NAV3: variants seen among roughly 807,000 people sequenced by gnomAD.
NAV3 encodes the protein pore membrane and/or filament interacting like protein 1.
A neutral mutation model predicts 244.7 loss-of-function variants in NAV3; 87 were observed. The ratio of observed to expected loss-of-function variants is 0.36; its 90% confidence interval spans 0.30 to 0.42. NAV3 has a LOEUF of 0.42. NAV3 is among the 20% of genes least tolerant of loss of function. The pLI is 1.00. For synonymous variants in NAV3, 1,126 were observed against 1,042.2 expected (o/e 1.08, Z -1.55); for missense variants, 2,663 against 2,893.3 (o/e 0.92, Z 1.83).
chr12:77,651,329 T>A (rs138797647), intron 2 of NAV3, among the ~76,000 whole-genome samples: 139 of 152,284 alleles, frequency 9.1e-4, no homozygotes, highest in African/African-American at 3.1e-3. Flanking sequence ...GAGCCCTTAA[T>A]CCTTTCAGAC....
intron 2 of NAV3, among the ~76,000 whole-genome samples, chr12:77,743,521 C>T (rs1179451361): frequency 1.3e-5 from 2 of 151,864 alleles, no homozygotes; most frequent in African/African-American, 4.8e-5. Flanking sequence ...ATACATCATT[C>T]AGAATTTTCA....
At chr12:77,881,308 A>G (rs1226290068) in intron 1 of NAV3, among the ~76,000 whole-genome samples, 2 of 152,128 alleles carry the variant, frequency 1.3e-5, no homozygotes, top group Non-Finnish European at 2.9e-5. Flanking sequence ...GGCTTTCTGT[A>G]TTTAGAGGTG....
chr12:78,144,183 G>C (rs1038734055), intron 20 of NAV3, among the ~76,000 whole-genome samples: 3 of 152,058 alleles, frequency 2.0e-5, no homozygotes, highest in Admixed American at 6.6e-5. Flanking sequence ...TTTTTCATGA[G>C]AGCAAGTGTC....
At chr12:77,914,045 G>A (rs1886885438) in intron 1 of NAV3, among the ~76,000 whole-genome samples, 1 of 151,982 alleles carries the variant, frequency 6.6e-6, no homozygotes, top group Non-Finnish European at 1.5e-5. Context: ...TCTGAGCCAT[G>A]AGATTTTAAG....
intron 2 of NAV3, among the ~76,000 whole-genome samples, chr12:77,621,108 C>T (rs1017136202): frequency 6.6e-6 from 1 of 151,978 alleles, no homozygotes; most frequent in South Asian, 2.1e-4. Flanking sequence ...TCCTGAGGCT[C>T]AAGATTTCTG....
In NAV3 at chr12:78,021,802, C is replaced by A. The variant is rs964740970; in HGVS notation, c.1963C>A (p.Pro655Thr). The change falls in exon 9 of 40, where the codon CCT becomes ACT. Residue 655 changes from proline (P) to threonine (T), a missense_variant. Physicochemically the swap from Pro to Thr is conservative, Grantham distance 38. Transcript: ENST00000397909. The part of the protein sequence containing the change: ...ALPSADSCTS[P>T]TKMDLSYSKT... ...ACCATCGGCTGACTCCTGTACCAGT[C>A]CTACAAAGATGGACTTATCATATAG... 1 of 1,611,436 alleles carries A rather than the reference C, an allele frequency of 6.2e-7. No homozygotes were observed. The highest frequency in any genetic ancestry group is 8.5e-7 in the Non-Finnish European group (1 of 1,178,578).
intron 2 of NAV3, among the ~76,000 whole-genome samples, chr12:77,634,940 G>T (rs879729796): frequency 5.3e-5 from 8 of 152,028 alleles, no homozygotes; most frequent in Admixed American, 5.2e-4. Context: ...AAGAAATAGG[G>T]TCTTGTGGCT....
At chr12:78,210,316 G>C (rs551464488) in intron 39 of NAV3, 82 bp from the exon 40 acceptor site, 2 of 1,581,382 alleles carry the variant, frequency 1.3e-6, no homozygotes, top group East Asian at 4.5e-5. Context: ...TAGCTCTTCG[G>C]TGTGGCTCAG....
intron 2 of NAV3, among the ~76,000 whole-genome samples, chr12:77,656,616 C>T (rs1873117722): frequency 7.4e-6 from 1 of 134,472 alleles, no homozygotes; most frequent in Non-Finnish European, 1.5e-5. Context: ...ACCTAATAGA[C>T]ATCTACAGAA....
intron 2 of NAV3, among the ~76,000 whole-genome samples, chr12:77,757,221 A>G (rs906331363): frequency 6.6e-6 from 1 of 152,226 alleles, no homozygotes; most frequent in African/African-American, 2.4e-5. Context: ...CCTTCTGCTC[A>G]GGGGAGGCAC....
chr12:77,933,096 G>C (rs1888970564), intron 1 of NAV3, among the ~76,000 whole-genome samples: 1 of 152,032 alleles, frequency 6.6e-6, no homozygotes, highest in Non-Finnish European at 1.5e-5. Context: ...CTTAAAAATG[G>C]AATAAATTGA....
chr12:77,971,597 G>A (rs17044641), intron 5 of NAV3, among the ~76,000 whole-genome samples: 53,266 of 151,906 alleles, frequency 0.35, 10,184 homozygotes, highest in East Asian at 0.47. Flanking sequence ...GGAACATAAT[G>A]TAGTATCTAT....
At chr12:77,869,219 C>CCTTT (rs144042265) in intron 1 of NAV3, among the ~76,000 whole-genome samples, 13,400 of 148,726 alleles carry the variant, frequency 0.09, 701 homozygotes, top group South Asian at 0.13. Context: ...AATTGCCTAA[C>CCTTT]CTAAGCCTTG....
intron 23 of NAV3, among the ~76,000 whole-genome samples, chr12:78,160,742 T>A (rs546394209): frequency 1.3e-5 from 2 of 152,072 alleles, no homozygotes; most frequent in Non-Finnish European, 2.9e-5. Flanking sequence ...CTCTCTCATA[T>A]TCTCCGTATA....
At position 78,117,836 on chromosome 12, in the gene NAV3, G is replaced by A. The variant is rs548998947; in HGVS notation, c.2770-191G>A. On this transcript the variant is annotated intron_variant, in intron 13 of 39. Coordinates refer to ENST00000397909, the MANE Select transcript of NAV3 (RefSeq NM_001024383.2). ...AGCGTTTAATTGGTGTTTTCTGCATGTATTTATTCTGAAATTCTCTAATAT... is the reference window on the plus strand; with the variant it reads ...AGCGTTTAATTGGTGTTTTCTGCATATATTTATTCTGAAATTCTCTAATAT... 2.0e-5 allele frequency among the ~76,000 whole-genome samples: 3 copies of A among 152,198 alleles called. No individual in the cohort carries two copies. In the South Asian group the frequency reaches 6.2e-4, roughly 32 times the overall value.
intron 2 of NAV3, among the ~76,000 whole-genome samples, chr12:77,809,578 A>T (rs909746026): frequency 6.6e-6 from 1 of 152,106 alleles, no homozygotes; most frequent in African/African-American, 2.4e-5. Flanking sequence ...TTCTGCATTG[A>T]TCTCGCTAGG....
At chr12:77,904,590 A>G (rs1885749591) in intron 1 of NAV3, among the ~76,000 whole-genome samples, 1 of 152,182 alleles carries the variant, frequency 6.6e-6, no homozygotes, top group Non-Finnish European at 1.5e-5. Context: ...ACATGTATAC[A>G]TATGTAACAA....
intron 2 of NAV3, among the ~76,000 whole-genome samples, chr12:77,796,009 G>A (rs1217615688): frequency 1.3e-5 from 2 of 152,146 alleles, no homozygotes; most frequent in African/African-American, 2.4e-5. Flanking sequence ...CTGTTTCCGT[G>A]CATGGTAACA....
intron 2 of NAV3, among the ~76,000 whole-genome samples, chr12:77,778,775 C>G (rs530332852): frequency 1.3e-5 from 2 of 151,996 alleles, no homozygotes; most frequent in East Asian, 3.9e-4. Flanking sequence ...AATAAATGTT[C>G]ACATAATTAT....
Sources: gnomAD v4.1 joint callset for allele counts (sites outside exome capture counted in the v4.1 genomes callset) on GRCh38, gnomAD v4.1.1 for gene constraint, MANE v1.5 for transcripts, NCBI Gene and HGNC (gene_info 2026-07-23, HGNC 2026-07-21) for gene names.